Variants in PLA2G7 observed in about 807,000 individuals in gnomAD.
PLA2G7 encodes the protein phospholipase A2 group VII.
In PLA2G7, 63 loss-of-function variants were observed where a neutral mutation model predicts 49.6. The ratio of observed to expected loss-of-function variants is 1.27; its 90% CI spans 1.04 to 1.57. The LOEUF is 1.57. Ranked by LOEUF, PLA2G7 falls within the 40% of genes most tolerant of loss-of-function variation. The pLI, the probability that PLA2G7 is intolerant of heterozygous loss-of-function variation, is 0.00. For missense variants in PLA2G7, 596 were observed against 521.2 expected (o/e 1.14, Z -1.40); for synonymous variants, 193 against 169.9 (o/e 1.14, Z -1.06).
chr6:46,733,631 T>C (rs1219098219), intron 1 of PLA2G7, among the ~76,000 whole-genome samples: 1 of 152,170 alleles, frequency 6.6e-6, no homozygotes, highest in East Asian at 1.9e-4. Flanking sequence ...TGCTGGAAAA[T>C]GCCAAGGTGG....
At chr6:46,722,029 CT>C (rs1765417674) in intron 2 of PLA2G7, among the ~76,000 whole-genome samples, 1 of 152,144 alleles carries the variant, frequency 6.6e-6, no homozygotes, top group Non-Finnish European at 1.5e-5. Context: ...TCACAATCCT[CT>C]GGGATGAGCA....
intron 2 of PLA2G7, among the ~76,000 whole-genome samples, chr6:46,722,236 C>CA: frequency 6.6e-6 from 1 of 152,298 alleles, no homozygotes; most frequent in Admixed American, 6.5e-5. Context: ...ATCTGGAACT[C>CA]CCTAGCACCT....
chr6:46,722,956 A>C, intron 1 of PLA2G7, 31 bp from the exon 2 acceptor site: 1 of 920,612 alleles, frequency 1.1e-6, no homozygotes, highest in Non-Finnish European at 1.8e-6. Context: ...AGAAAAAAGA[A>C]GTATGCAATG....
chr6:46,725,352 C>T (rs1765536436), intron 1 of PLA2G7, among the ~76,000 whole-genome samples: 1 of 151,920 alleles, frequency 6.6e-6, no homozygotes, highest in South Asian at 2.1e-4. Context: ...CTGCCTCAGC[C>T]TCTCGAGTAG....
Position 46,711,605 on chromosome 6 carries a change from G to C in PLA2G7, c.554C>G (p.Ser185Cys). 1 of 1,613,628 alleles carries C rather than the reference G, an allele frequency of 6.2e-7. No individual in the cohort carries two copies. Among genetic ancestry groups the C allele is most frequent in the Non-Finnish European group, 8.5e-7 (1 of 1,179,590 alleles). The stretch of plus-strand genomic sequence containing the variant: ...TTGGTCCTTGAAATAGTAAGTTGCA[G>C]ATGCAGATCTATCTCTATAATACAA... Reference protein sequence around the residue: ...AAVEHRDRSASATYYFKDQSA... With the variant: ...AAVEHRDRSACATYYFKDQSA... The change falls in exon 7 of 12, where the codon TCT becomes TGT. Residue 185 changes from serine to cysteine, a missense_variant. Physicochemically the swap from Ser to Cys is moderately radical, Grantham distance 112. Coordinates refer to ENST00000274793, the MANE Select transcript of PLA2G7 (RefSeq NM_005084.4).
intron 1 of PLA2G7, among the ~76,000 whole-genome samples, chr6:46,734,559 A>C (rs13215427): frequency 0.039 from 5,850 of 151,582 alleles, 161 homozygotes; most frequent in East Asian, 0.089. Flanking sequence ...GCGGTGGCTC[A>C]TGCCTGTAAT....
chr6:46,714,479 G>T lies in PLA2G7; in HGVS notation c.451C>A (p.His151Asn). Reference protein sequence around the residue: ...GEKYPLVVFSHGLGAFRTLYS... With the variant: ...GEKYPLVVFSNGLGAFRTLYS... ...CATTACCTGAATGCCCCAAGACCAT[G>T]AGAAAAAACAACAAGTGGATATTTT... The change falls in exon 5 of 12, where the codon CAT becomes AAT. Residue 151 changes from histidine (H) to asparagine (N), a missense_variant. Transcript: ENST00000274793. 1 of 1,611,048 alleles carries T rather than the reference G, an allele frequency of 6.2e-7. No homozygotes were observed. Among genetic ancestry groups the T allele is most frequent in the South Asian group, 1.1e-5 (1 of 91,010 alleles).
chr6:46,709,509 G>T, intron 8 of PLA2G7, 91 bp from the exon 9 acceptor site: 1 of 776,138 alleles, frequency 1.3e-6, no homozygotes, highest in Non-Finnish European at 2.3e-6. Context: ...ATTTCATGGG[G>T]ATGGTTAAAT....
At chr6:46,717,247 G>T in intron 2 of PLA2G7, 151 bp from the exon 3 acceptor site, 1 of 740,568 alleles carries the variant, frequency 1.4e-6, no homozygotes, top group Admixed American at 2.0e-5. Flanking sequence ...ATTATTGAGG[G>T]TCTGCTCTGT....
rs200429983 is a variant in PLA2G7 at position 46,707,978 on chromosome 6, C to T, written c.1040+13G>A. 5 of 1,507,748 alleles carry T rather than the reference C, an allele frequency of 3.3e-6. No individual in the cohort carries two copies. The highest frequency in any genetic ancestry group is 3.7e-6 in the Non-Finnish European group (4 of 1,087,026). The allele number at this position is 1,507,748 out of a possible 1,614,324, so 93.4% of individuals were successfully genotyped here. A position where few individuals can be genotyped will look rare whatever the true frequency, so the allele number is the denominator to read the frequency against. ...GTTTGTTTCACATAATGAAATAAGT[C>T]ACTAATACTTACCTGATTGTAATCA... On this transcript the variant is annotated intron_variant, in intron 10 of 11. Transcript: ENST00000274793.
chr6:46,714,805 G>A (rs747644055), intron 4 of PLA2G7, among the ~76,000 whole-genome samples: 11 of 146,272 alleles, frequency 7.5e-5, no homozygotes, highest in Admixed American at 6.3e-4. Flanking sequence ...GCACAATCTC[G>A]GCTCACTGCA....
intron 1 of PLA2G7, among the ~76,000 whole-genome samples, chr6:46,733,371 G>A (rs927208028): frequency 6.6e-6 from 1 of 152,154 alleles, no homozygotes; most frequent in Non-Finnish European, 1.5e-5. Flanking sequence ...ACCTCAGAAG[G>A]GATTTCTCAA....
At chr6:46,718,017 C>A (rs1025066916) in intron 2 of PLA2G7, among the ~76,000 whole-genome samples, 1 of 152,190 alleles carries the variant, frequency 6.6e-6, no homozygotes, top group African/African-American at 2.4e-5. Context: ...CGCCCAGCCC[C>A]AAACCTCTAT....
chr6:46,733,449 C>G (rs1216221427), intron 1 of PLA2G7, among the ~76,000 whole-genome samples: 1 of 105,974 alleles, frequency 9.4e-6, no homozygotes, highest in Non-Finnish European at 1.7e-5. Flanking sequence ...GTCTTGCTGG[C>G]TGTACAGTAG....
chr6:46,712,215 G>A, intron 6 of PLA2G7, 54 bp downstream of exon 6: 1 of 1,051,392 alleles, frequency 9.5e-7, no homozygotes, highest in East Asian at 2.4e-5. Flanking sequence ...ATAGTTATGA[G>A]CATTGACATT....
rs761619021 is a variant in PLA2G7, at chr6:46,716,959, T to C, written c.231+16A>G. ...TATTAGAGTATCAGGATAAGTTGTA[T>C]AAATCAAAGCATTACCTTATTAGTG... On this transcript the variant is annotated intron_variant, in intron 3 of 11. Coordinates refer to ENST00000274793, the MANE Select transcript of PLA2G7 (RefSeq NM_005084.4). The C allele has an allele frequency of 1.7e-5, 27 of 1,611,486 alleles. No individual in the cohort carries two copies. In the African/African-American group the frequency reaches 3.1e-4, roughly 18 times the overall value.
rs760308042 is a variant in PLA2G7 at position 46,717,709 on chromosome 6, C to CTTTT, written c.110-617_110-614dup. 1.0e-4 allele frequency among the ~76,000 whole-genome samples: 12 copies of CTTTT among 116,202 alleles called. 3 individuals are homozygous for CTTTT. The highest frequency in any genetic ancestry group is 1.3e-4 in the Non-Finnish European group (8 of 60,676). The allele number at this position is 116,202 out of a possible 152,430, so 76.2% of individuals were successfully genotyped here. Reference sequence around the variant, plus strand: ...GGAGCCTCTATTTTCTTTCTTTTTTCTTTTTCTTTTTTTTTTTTTTTGAGA... The same window carrying CTTTT: ...GGAGCCTCTATTTTCTTTCTTTTTTCTTTTTTTTTCTTTTTTTTTTTTTTTGAGA... On this transcript the variant is annotated intron_variant, in intron 2 of 11. Transcript: ENST00000274793.
intron 1 of PLA2G7, 88 bp from the exon 2 acceptor site, chr6:46,723,013 G>A (rs762549626): frequency 2.0e-5 from 14 of 693,492 alleles, no homozygotes; most frequent in Non-Finnish European, 3.4e-5. Context: ...TGAGGTACTA[G>A]TAACACTTGG....
chr6:46,718,089 A>G (rs1283986684), intron 2 of PLA2G7, among the ~76,000 whole-genome samples: 2 of 152,138 alleles, frequency 1.3e-5, no homozygotes, highest in Admixed American at 6.5e-5. Flanking sequence ...CTCTAGCTCA[A>G]CTGTCTCATT....
Sources: gnomAD v4.1 joint callset for allele counts (sites outside exome capture counted in the v4.1 genomes callset) on GRCh38, gnomAD v4.1.1 for gene constraint, MANE v1.5 for transcripts, NCBI Gene and HGNC (gene_info 2026-07-23, HGNC 2026-07-21) for gene names.